The following GRM7 variants were observed in gnomAD, a reference collection of about 807,000 sequenced individuals.
GRM7 encodes glutamate metabotropic receptor 7, also known as metabotropic glutamate receptor 7.
Under a neutral mutation model 84.5 loss-of-function variants are expected in GRM7, and 35 were observed. The ratio of observed to expected loss-of-function variants is 0.41; its 90% CI spans 0.32 to 0.55. The LOEUF (loss-of-function observed/expected upper bound fraction) is 0.55, where lower values mean the gene tolerates loss of function less well. GRM7 is among the 20% of genes least tolerant of loss of function. The pLI, the probability that GRM7 is intolerant of heterozygous loss-of-function variation, is 0.19. For missense variants in GRM7, 1,003 were observed against 1,194.6 expected (o/e 0.84, Z 2.36); for synonymous variants, 487 against 455.1 (o/e 1.07, Z -0.89).
chr3:7,684,102 C>T lies in GRM7; in HGVS notation c.2698+3807C>T, dbSNP rs947740730. On this transcript the variant is annotated intron_variant, in intron 9 of 9. Coordinates refer to ENST00000357716, the MANE Select transcript of GRM7 (RefSeq NM_000844.4). Reference sequence around the variant, plus strand: ...AAAATGCATGTATATAGGAAAAGAACGATAGTGAAAAATTCAATTAATAAA... The same window carrying T: ...AAAATGCATGTATATAGGAAAAGAATGATAGTGAAAAATTCAATTAATAAA... Among the ~76,000 whole-genome samples the T allele has an allele frequency of 4.6e-5, 7 of 152,200 alleles. 1 individual carries two copies. Among genetic ancestry groups the T allele is most frequent in the African/African-American group, 4.8e-5 (2 of 41,534 alleles).
intron 9 of GRM7, among the ~76,000 whole-genome samples, chr3:7,690,312 C>T (rs1301428012): frequency 6.6e-6 from 1 of 152,148 alleles, no homozygotes; most frequent in African/African-American, 2.4e-5. Flanking sequence ...GCGCACAATA[C>T]TTCCCATACC....
At chr3:7,683,806 A>C (rs1700473863) in intron 9 of GRM7, among the ~76,000 whole-genome samples, 2 of 152,226 alleles carry the variant, frequency 1.3e-5, no homozygotes, top group African/African-American at 4.8e-5. Flanking sequence ...CACACTTTTG[A>C]CTGAGGCTAC....
intron 2 of GRM7, among the ~76,000 whole-genome samples, chr3:7,282,599 A>G (rs1001703135): frequency 3.3e-5 from 5 of 152,178 alleles, no homozygotes; most frequent in African/African-American, 1.2e-4. Context: ...AAGGTAACAC[A>G]CTTATAGATT....
At chr3:7,383,216 T>C (rs1472845239) in intron 4 of GRM7, among the ~76,000 whole-genome samples, 1 of 152,198 alleles carries the variant, frequency 6.6e-6, no homozygotes, top group Non-Finnish European at 1.5e-5. Context: ...ATACAATAAA[T>C]ATCTGGATCC....
At chr3:7,496,948 C>T (rs1341686926) in intron 7 of GRM7, among the ~76,000 whole-genome samples, 5 of 151,468 alleles carry the variant, frequency 3.3e-5, no homozygotes, top group South Asian at 2.1e-4. Context: ...TTTAAAATAT[C>T]GAAAAATAAA....
intron 1 of GRM7, among the ~76,000 whole-genome samples, chr3:7,027,518 C>T (rs549691748): frequency 5.3e-5 from 8 of 152,146 alleles, no homozygotes; most frequent in African/African-American, 9.6e-5. Flanking sequence ...TCTCTGGGGA[C>T]GCTGCAATTA....
intron 8 of GRM7, among the ~76,000 whole-genome samples, chr3:7,623,495 C>A (rs62235221): frequency 0.13 from 20,249 of 152,122 alleles, 1,542 homozygotes; most frequent in Non-Finnish European, 0.17. Flanking sequence ...ATTGAATCAG[C>A]ACTCATGTAA....
intron 7 of GRM7, among the ~76,000 whole-genome samples, chr3:7,548,458 C>G (rs1457849938): frequency 6.6e-6 from 1 of 152,222 alleles, no homozygotes; most frequent in Non-Finnish European, 1.5e-5. Context: ...TTATAAATTT[C>G]CCAGCCTCAG....
intron 5 of GRM7, among the ~76,000 whole-genome samples, chr3:7,418,238 A>G (rs1375778357): frequency 6.6e-6 from 1 of 152,174 alleles, no homozygotes; most frequent in Non-Finnish European, 1.5e-5. Flanking sequence ...AGAGCTAGAC[A>G]TTCTTCCTCT....
chr3:7,495,203 T>C (rs1025915565), intron 7 of GRM7, among the ~76,000 whole-genome samples: 2 of 152,244 alleles, frequency 1.3e-5, no homozygotes, highest in Non-Finnish European at 2.9e-5. Flanking sequence ...TGTTTATAAG[T>C]TGCTGCTCAG....
chr3:7,315,112 AAAAAC>A (rs1445745499), intron 4 of GRM7, among the ~76,000 whole-genome samples: 6 of 152,174 alleles, frequency 3.9e-5, no homozygotes, highest in Admixed American at 2.6e-4. Context: ...AAACAACAAC[AAAAAC>A]AAAACAAAAC....
At chr3:7,389,260 T>G (rs754381149) in intron 4 of GRM7, among the ~76,000 whole-genome samples, 2 of 152,116 alleles carry the variant, frequency 1.3e-5, no homozygotes, top group African/African-American at 4.8e-5. Context: ...GGATTTTGAT[T>G]TTTTGAACTT....
intron 7 of GRM7, among the ~76,000 whole-genome samples, chr3:7,575,202 G>A (rs1267289752): frequency 6.6e-6 from 1 of 152,120 alleles, no homozygotes; most frequent in African/African-American, 2.4e-5. Flanking sequence ...CCCTTCCCCA[G>A]GAGCTACCTA....
At chr3:7,321,206 A>G (rs936730635) in intron 4 of GRM7, among the ~76,000 whole-genome samples, 19 of 152,034 alleles carry the variant, frequency 1.2e-4, no homozygotes, top group African/African-American at 4.3e-4. Flanking sequence ...GAAATGAATT[A>G]TTTTTGTTCT....
chr3:7,638,815 G>A (rs531433453), intron 8 of GRM7, among the ~76,000 whole-genome samples: 1 of 152,326 alleles, frequency 6.6e-6, no homozygotes, highest in East Asian at 1.9e-4. Flanking sequence ...CCCTGCATTA[G>A]TTGTATCTAA....
At chr3:7,311,473 C>T (rs148099428) in intron 4 of GRM7, among the ~76,000 whole-genome samples, 9 of 152,266 alleles carry the variant, frequency 5.9e-5, no homozygotes, top group African/African-American at 2.2e-4. Context: ...TAATGGAATG[C>T]ATGAATATTT....
chr3:7,509,572 T>C (rs556915167), intron 7 of GRM7, among the ~76,000 whole-genome samples: 1 of 152,324 alleles, frequency 6.6e-6, no homozygotes, highest in Non-Finnish European at 1.5e-5. Context: ...TCCAATCTGA[T>C]AAGCCACTTC....
At chr3:7,431,333 C>CTAT (rs1696822532) in intron 5 of GRM7, among the ~76,000 whole-genome samples, 1 of 152,030 alleles carries the variant, frequency 6.6e-6, no homozygotes, top group South Asian at 2.1e-4. Flanking sequence ...TTGTATGATC[C>CTAT]TATTTATTTG....
At chr3:7,063,278 A>T (rs1697498404) in intron 1 of GRM7, among the ~76,000 whole-genome samples, 2 of 151,778 alleles carry the variant, frequency 1.3e-5, no homozygotes, top group Non-Finnish European at 2.9e-5. Context: ...GGCTTCAGTG[A>T]ATCAGAGATT....
Sources: gnomAD v4.1 joint callset for allele counts (sites outside exome capture counted in the v4.1 genomes callset) on GRCh38, gnomAD v4.1.1 for gene constraint, MANE v1.5 for transcripts, NCBI Gene and HGNC (gene_info 2026-07-23, HGNC 2026-07-21) for gene names.